Variants in PARN observed in about 807,000 individuals in gnomAD.
PARN encodes poly(A)-specific ribonuclease PARN.
PARN carries 71 observed loss-of-function variants against 102.8 expected under a neutral mutation model. The observed-to-expected ratio is 0.69, with a 90% CI of 0.57 to 0.84. The LOEUF is 0.84. PARN is among the 40% of genes least tolerant of loss of function. The pLI is 0.00. For synonymous variants in PARN, 261 were observed against 252.9 expected (o/e 1.03, Z -0.30); for missense variants, 782 against 760.9 (o/e 1.03, Z -0.33).
chr16:14,546,592 C>T (rs1319126346), intron 21 of PARN, among the ~76,000 whole-genome samples: 1 of 152,138 alleles, frequency 6.6e-6, no homozygotes, highest in African/African-American at 2.4e-5. Context: ...TGTGAAAAAG[C>T]TCTTTTTCTA....
chr16:14,614,404 C>T (rs1367107865), intron 6 of PARN, among the ~76,000 whole-genome samples: 1 of 152,212 alleles, frequency 6.6e-6, no homozygotes, highest in Non-Finnish European at 1.5e-5. Context: ...TGCTGGTTAT[C>T]CTTGAGGATA....
chr16:14,630,228 G>T lies in PARN; in HGVS notation c.-103C>A, dbSNP rs1411712798. ...GACTGCGGCAGTAGCTGAGGCAGCC[G>T]CAGCGGTGACGCCGGCCGCGACTTC... On this transcript the variant is annotated 5_prime_UTR_variant, in exon 1 of 24. Coordinates refer to ENST00000437198, the MANE Select transcript of PARN (RefSeq NM_002582.4). 3 of 1,048,932 alleles carry T rather than the reference G, an allele frequency of 2.9e-6. No homozygotes were observed. Among genetic ancestry groups the T allele is most frequent in the Non-Finnish European group, 2.8e-6 (2 of 718,472 alleles). 65.0% of individuals were successfully genotyped at this position (1,048,932 alleles called of 1,614,324 possible).
chr16:14,618,793 C>G (rs558374594), intron 5 of PARN, among the ~76,000 whole-genome samples: 1 of 152,034 alleles, frequency 6.6e-6, no homozygotes, highest in Non-Finnish European at 1.5e-5. Context: ...TTACCCTGTC[C>G]CAGGTTCAAG....
intron 11 of PARN, among the ~76,000 whole-genome samples, chr16:14,602,490 C>T (rs895668242): frequency 3.9e-5 from 6 of 152,172 alleles, no homozygotes; most frequent in Non-Finnish European, 7.3e-5. Context: ...TAAAAACACT[C>T]GAAACCTCAT....
rs542431247 is a variant in PARN at position 14,473,951 on chromosome 16, C to T, written c.1670+8687G>A. ...CCTTCTAAAAACTTCTAGTATATAG[C>T]TGGTAGGTGGAAATTTAGAGGGCGG... On this transcript the variant is annotated intron_variant, in intron 22 of 23. Coordinates refer to ENST00000437198, the MANE Select transcript of PARN (RefSeq NM_002582.4). 3.3e-5 allele frequency among the ~76,000 whole-genome samples: 5 copies of T among 152,220 alleles called. No individual in the cohort carries two copies. In the South Asian group the frequency reaches 6.2e-4, roughly 19 times the overall value.
chr16:14,438,441 TGG>T (rs375043884), intron 23 of PARN, among the ~76,000 whole-genome samples: 4 of 107,004 alleles, frequency 3.7e-5, no homozygotes, highest in Admixed American at 9.0e-5. Flanking sequence ...TGCCATTAGT[TGG>T]GGGGGGGGGT....
intron 21 of PARN, among the ~76,000 whole-genome samples, chr16:14,549,326 T>C (rs1386393315): frequency 2.0e-5 from 3 of 152,172 alleles, no homozygotes; most frequent in Admixed American, 2.0e-4. Flanking sequence ...TTCCCCATAT[T>C]CCCTATTCAA....
intron 21 of PARN, among the ~76,000 whole-genome samples, chr16:14,533,103 C>T (rs901916630): frequency 2.0e-5 from 3 of 152,112 alleles, no homozygotes; most frequent in African/African-American, 7.2e-5. Flanking sequence ...CACTGCACTC[C>T]AGCCTGGGCA....
rs184326762 is a variant in PARN, at chr16:14,495,788, C to A, written c.1481-12961G>T. Reference sequence around the variant, plus strand: ...AAGGCCCCTGAGAAGGGACTTGGAGCACATGGTGGGGACACATGTCTGACA... The same window carrying A: ...AAGGCCCCTGAGAAGGGACTTGGAGAACATGGTGGGGACACATGTCTGACA... On this transcript the variant is annotated intron_variant, in intron 21 of 23. Transcript: ENST00000437198. Among the ~76,000 whole-genome samples the A allele has an allele frequency of 3.9e-3, 589 of 152,208 alleles. 4 individuals are homozygous for A. Among genetic ancestry groups the A allele is most frequent in the Admixed American group, 0.013 (200 of 15,276 alleles).
In PARN at chr16:14,493,391, T is replaced by C. The variant is rs537752730; in HGVS notation, c.1481-10564A>G. 1.8e-3 allele frequency among the ~76,000 whole-genome samples: 275 copies of C among 152,250 alleles called. 4 individuals carry two copies. Among genetic ancestry groups the C allele is most frequent in the Admixed American group, 4.6e-3 (70 of 15,292 alleles). On this transcript the variant is annotated intron_variant, in intron 21 of 23. Transcript: ENST00000437198. The stretch of plus-strand genomic sequence containing the variant: ...CTACAACACCTGGCTGATTTTTGTA[T>C]TTTCTGTAAAGACAAGGTTTTGCCA...
chr16:14,567,730 A>C (rs1968516145), intron 18 of PARN, among the ~76,000 whole-genome samples: 1 of 152,172 alleles, frequency 6.6e-6, no homozygotes, highest in African/African-American at 2.4e-5. Flanking sequence ...AGGGATGAGA[A>C]GGGATGTGCC....
At chr16:14,622,363 T>C (rs1972362402) in intron 5 of PARN, among the ~76,000 whole-genome samples, 1 of 152,216 alleles carries the variant, frequency 6.6e-6, no homozygotes, top group Admixed American at 6.5e-5. Context: ...AACACAGATG[T>C]TGACTATAGA....
intron 21 of PARN, 45 bp downstream of exon 21, chr16:14,551,976 C>T (rs1047810394): frequency 3.0e-6 from 4 of 1,324,346 alleles, no homozygotes; most frequent in Admixed American, 3.5e-5. Context: ...GGAGGGCAAC[C>T]TCTCACTGTA....
intron 13 of PARN, among the ~76,000 whole-genome samples, chr16:14,590,398 G>A (rs1253607284): frequency 6.6e-6 from 1 of 151,842 alleles, no homozygotes; most frequent in Non-Finnish European, 1.5e-5. Flanking sequence ...ACTTTGGGAG[G>A]CGGAGGCGGG....
At chr16:14,454,888 C>T (rs1291053856) in intron 22 of PARN, among the ~76,000 whole-genome samples, 1 of 152,148 alleles carries the variant, frequency 6.6e-6, no homozygotes, top group Non-Finnish European at 1.5e-5. Context: ...CTTCAGGGGT[C>T]AGTTCTATAA....
chr16:14,581,373 C>A (rs2151749832), intron 17 of PARN, among the ~76,000 whole-genome samples: 1 of 152,182 alleles, frequency 6.6e-6, no homozygotes, highest in Non-Finnish European at 1.5e-5. Context: ...TTCTTACGCA[C>A]CAAGTACCAT....
intron 7 of PARN, among the ~76,000 whole-genome samples, chr16:14,609,844 T>G (rs1363634727): frequency 1.3e-5 from 2 of 152,234 alleles, no homozygotes; most frequent in Non-Finnish European, 1.5e-5. Context: ...CTCCTCTGCC[T>G]TCAAGGACAT....
At chr16:14,622,338 C>CA (rs1414647903) in intron 5 of PARN, among the ~76,000 whole-genome samples, 1 of 152,194 alleles carries the variant, frequency 6.6e-6, no homozygotes, top group Non-Finnish European at 1.5e-5. Context: ...CTTACACATA[C>CA]AAAAAGATAT....
chr16:14,550,048 G>A (rs1169679032), intron 21 of PARN, among the ~76,000 whole-genome samples: 3 of 152,194 alleles, frequency 2.0e-5, no homozygotes, highest in African/African-American at 7.2e-5. Flanking sequence ...AGGAGCTGAA[G>A]AGTGTACAGT....
Sources: gnomAD v4.1 joint callset for allele counts (sites outside exome capture counted in the v4.1 genomes callset) on GRCh38, gnomAD v4.1.1 for gene constraint, MANE v1.5 for transcripts, NCBI Gene and HGNC (gene_info 2026-07-23, HGNC 2026-07-21) for gene names.